The following FSIP2 variants were observed in gnomAD, a reference collection of about 807,000 sequenced individuals.
The protein encoded by FSIP2 is fibrous sheath interacting protein 2, also known as fibrous sheath-interacting protein 2.
FSIP2 carries 367 observed loss-of-function variants against 510.5 expected under a neutral mutation model. That is an observed-to-expected ratio of 0.72 (90% confidence interval 0.66 to 0.78). FSIP2 has a LOEUF of 0.78. Among genes scored for constraint, FSIP2 ranks in the 30% least tolerant of loss-of-function variants. The pLI, the probability that FSIP2 is intolerant of heterozygous loss-of-function variation, is 0.00. For missense variants in FSIP2, 7,594 were observed against 7,901.7 expected (o/e 0.96, Z 1.48); for synonymous variants, 2,601 against 2,732.2 (o/e 0.95, Z 1.50).
chr2:185,785,809 A>G (rs1460709177), intron 14 of FSIP2, among the ~76,000 whole-genome samples: 1 of 151,986 alleles, frequency 6.6e-6, no homozygotes, highest in African/African-American at 2.4e-5. Context: ...TGGGGAGAGG[A>G]CAGTGGAACT....
Position 185,792,810 on chromosome 2 carries a change from A to G in FSIP2, c.5674A>G (p.Thr1892Ala). Residue 1892 changes from threonine to alanine, a missense_variant, in exon 16 of 23, where the codon ACG becomes GCG. Physicochemically the swap from Thr to Ala is moderately conservative, Grantham distance 58. Transcript: ENST00000424728. ...CACCTATAAAGGAAAGTCCTCTGTC[A>G]CGGCTTTGGATGAAAATCCATGTAC... ...EHTYKGKSSV[T>A]ALDENPCTFQ... 3 of 1,534,472 alleles carry G rather than the reference A, an allele frequency of 2.0e-6. No homozygotes were observed. Among genetic ancestry groups the G allele is most frequent in the Non-Finnish European group, 2.6e-6 (3 of 1,145,778 alleles).
chr2:185,815,367 C>G lies in FSIP2; in HGVS notation c.20326-4C>G, dbSNP rs1182485761. On this transcript the variant is annotated splice_polypyrimidine_tract_variant and splice_region_variant and intron_variant, in intron 18 of 22. Transcript: ENST00000424728. ...AGTGTAATAGCTGATTTGTCCTTTTCCAGAAAGAAGAAAAGAATCTTGTTA... is the reference window on the plus strand; with the variant it reads ...AGTGTAATAGCTGATTTGTCCTTTTGCAGAAAGAAGAAAAGAATCTTGTTA... 1.5e-6 allele frequency: 2 copies of G among 1,342,674 alleles called. No homozygotes were observed. The highest frequency in any genetic ancestry group is 2.1e-6 in the Non-Finnish European group (2 of 949,390). 83.2% of individuals were successfully genotyped at this position (1,342,674 alleles called of 1,614,324 possible).
rs756219207 is a variant in FSIP2, at chr2:185,797,428, C to T, written c.10292C>T (p.Thr3431Ile). 4 of 1,531,836 alleles carry T rather than the reference C, an allele frequency of 2.6e-6. No homozygotes were observed. The South Asian group carries it at 4.8e-5, about 18-fold the overall frequency. The allele number at this position is 1,531,836 out of a possible 1,614,324, so 94.9% of individuals were successfully genotyped here. The change falls in exon 16 of 23, where the codon ACT becomes ATT. Residue 3431 changes from threonine to isoleucine, a missense_variant. Coordinates refer to ENST00000424728, the MANE Select transcript of FSIP2 (RefSeq NM_173651.4). Reference sequence around the variant, plus strand: ...ACTGTGAAGGAAGTTGAAGCCTTTACTTTTGCTGATCATGAAATGGGTTCC... The same window carrying T: ...ACTGTGAAGGAAGTTGAAGCCTTTATTTTTGCTGATCATGAAATGGGTTCC... ...IETVKEVEAF[T>I]FADHEMGSNE... is the part of the protein sequence containing the mutation.
At chr2:185,779,688 C>G (rs1692801636) in intron 13 of FSIP2, among the ~76,000 whole-genome samples, 1 of 151,996 alleles carries the variant, frequency 6.6e-6, no homozygotes, top group African/African-American at 2.4e-5. Context: ...TTGTTTTATA[C>G]AGATTTTATT....
intron 13 of FSIP2, 55 bp downstream of exon 13, chr2:185,764,620 C>A: frequency 2.5e-6 from 3 of 1,204,310 alleles, no homozygotes; most frequent in Non-Finnish European, 1.2e-6. Flanking sequence ...ATTCTTTCAA[C>A]TGACATTTAC....
intron 19 of FSIP2, among the ~76,000 whole-genome samples, chr2:185,821,202 G>T (rs376284074): frequency 2.0e-5 from 3 of 151,742 alleles, no homozygotes; most frequent in African/African-American, 4.8e-5. Flanking sequence ...TAATCTAGAT[G>T]AAATGGATAA....
At position 185,805,602 on chromosome 2, in the gene FSIP2, A is replaced by G; in HGVS notation, c.16296A>G (p.Arg5432=). The part of the protein sequence containing the change: ...LPQNTFTQIS[R]CAKENQLSLP... Reference sequence around the variant, plus strand: ...AAAACACCTTTACACAAATAAGCAGATGTGCAAAAGAGAACCAACTTTCTT... The same window carrying G: ...AAAACACCTTTACACAAATAAGCAGGTGTGCAAAAGAGAACCAACTTTCTT... The change falls in exon 17 of 23, where the codon AGA becomes AGG. Residue 5432 remains arginine (R), a synonymous_variant. Coordinates refer to ENST00000424728, the MANE Select transcript of FSIP2 (RefSeq NM_173651.4). The G allele has an allele frequency of 6.2e-7, 1 of 1,609,108 alleles. No homozygotes were observed. Among genetic ancestry groups the G allele is most frequent in the East Asian group, 2.2e-5 (1 of 44,776 alleles).
rs569715444 is a variant in FSIP2 at position 185,807,559 on chromosome 2, G to A, written c.18253G>A (p.Val6085Ile). Residue 6085 changes from valine (V) to isoleucine (I), a missense_variant, in exon 17 of 23, where the codon GTT becomes ATT. By Grantham distance (29) the Val-to-Ile change is conservative (BLOSUM62 3). Transcript: ENST00000424728. ...TGATGATGAAATTATTCAATTAGTG[G>A]TTCAGTCTGTTTATAATAATCTCTT... ...SDDDEIIQLVVQSVYNNLLPQ... is the reference protein window; with the variant it reads ...SDDDEIIQLVIQSVYNNLLPQ... 34 of 1,611,844 alleles carry A rather than the reference G, an allele frequency of 2.1e-5. No individual in the cohort carries two copies. Among genetic ancestry groups the A allele is most frequent in the Non-Finnish European group, 2.8e-5 (33 of 1,178,892 alleles).
In FSIP2 at chr2:185,801,022, A is replaced by G. The variant is rs1317679505; in HGVS notation, c.11716A>G (p.Ser3906Gly). Residue 3906 changes from serine to glycine, a missense_variant, in exon 17 of 23, where the codon AGC (serine) becomes GGC (glycine). Physicochemically the swap from Ser to Gly is moderately conservative, Grantham distance 56. Transcript: ENST00000424728. ...GAGTAAAAGTTCTTTAGAACTCAGG[A>G]GCTATGATAGTAATTCTTTGACAGT... ...GQSKSSLELR[S>G]YDSNSLTVSL... 1 of 1,531,728 alleles carries G rather than the reference A, an allele frequency of 6.5e-7. No homozygotes were observed. The highest frequency in any genetic ancestry group is 2.5e-5 in the East Asian group (1 of 40,806). 94.9% of individuals were successfully genotyped at this position (1,531,728 alleles called of 1,614,324 possible).
chr2:185,767,677 GTGTATC>G (rs1212677180), intron 13 of FSIP2, among the ~76,000 whole-genome samples: 2 of 152,056 alleles, frequency 1.3e-5, no homozygotes, highest in Non-Finnish European at 2.9e-5. Context: ...CTGTCTGTCT[GTGTATC>G]TGTGTTTATT....
chr2:185,775,732 C>T (rs1004589190), intron 13 of FSIP2, among the ~76,000 whole-genome samples: 5 of 152,120 alleles, frequency 3.3e-5, no homozygotes, highest in East Asian at 3.9e-4. Flanking sequence ...GGTGCAATCT[C>T]GGCTCACTGC....
intron 21 of FSIP2, among the ~76,000 whole-genome samples, chr2:185,828,730 C>T (rs374856523): frequency 3.4e-3 from 523 of 151,980 alleles, no homozygotes; most frequent in Middle Eastern, 6.8e-3. Flanking sequence ...AAGAAAATTT[C>T]CTCTTTATAA....
intron 9 of FSIP2, among the ~76,000 whole-genome samples, chr2:185,759,770 A>G (rs1276809743): frequency 2.0e-5 from 3 of 150,162 alleles, no homozygotes; most frequent in Non-Finnish European, 4.5e-5. Flanking sequence ...TATTTTGTAT[A>G]AAAGTGATTC....
At position 185,788,962 on chromosome 2, in the gene FSIP2, C is replaced by T. The variant is rs545123671; in HGVS notation, c.1826C>T (p.Thr609Ile). 25 of 1,534,718 alleles carry T rather than the reference C, an allele frequency of 1.6e-5. No individual in the cohort carries two copies. The African/African-American group carries it at 1.6e-4, about 10-fold the overall frequency. ...CCTCCTCCTGCACATGTGGAAAAAA[C>T]AGTTGTGGGGAAAACATGTCACATA... The part of the protein sequence containing the change: ...IKPPPAHVEK[T>I]VVGKTCHIKG... Residue 609 changes from threonine to isoleucine, a missense_variant, in exon 16 of 23, where the codon ACA becomes ATA. Transcript: ENST00000424728.
chr2:185,794,167 C>T lies in FSIP2; in HGVS notation c.7031C>T (p.Ser2344Leu), dbSNP rs772991257. The T allele has an allele frequency of 4.3e-5, 66 of 1,534,160 alleles. No individual in the cohort carries two copies. The highest frequency in any genetic ancestry group is 5.9e-5 in the Admixed American group (3 of 50,802). ...REKLGSTIHL[S>L]QARLKTYADV... Reference sequence around the variant, plus strand: ...AAACTTGGATCCACAATTCACCTATCGCAAGCTAGGCTTAAGACATATGCT... The same window carrying T: ...AAACTTGGATCCACAATTCACCTATTGCAAGCTAGGCTTAAGACATATGCT... Residue 2344 changes from serine to leucine, a missense_variant, in exon 16 of 23, where the codon TCG becomes TTG. Physicochemically the swap from Ser to Leu is moderately radical, Grantham distance 145. Transcript: ENST00000424728.
chr2:185,796,004 T>G lies in FSIP2; in HGVS notation c.8868T>G (p.Ser2956Arg). The G allele has an allele frequency of 6.5e-7, 1 of 1,533,998 alleles. No homozygotes were observed. The highest frequency in any genetic ancestry group is 8.7e-7 in the Non-Finnish European group (1 of 1,145,858). ...GTAAAGAACACATTACTGCTAAAAG[T>G]AAATATGGTTTTCCAAACAAGCATA... ...SNSKEHITAK[S>R]KYGFPNKHSL... The change falls in exon 16 of 23, where the codon AGT (serine) becomes AGG (arginine). Residue 2956 changes from serine to arginine, a missense_variant. By Grantham distance (110) the Ser-to-Arg change is moderately radical. Coordinates refer to ENST00000424728, the MANE Select transcript of FSIP2 (RefSeq NM_173651.4).
At position 185,803,403 on chromosome 2, in the gene FSIP2, C is replaced by T; in HGVS notation, c.14097C>T (p.Asp4699=). The T allele has an allele frequency of 1.3e-6, 2 of 1,532,892 alleles. No individual in the cohort carries two copies. The highest frequency in any genetic ancestry group is 1.2e-5 in the South Asian group (1 of 83,832). 95.0% of individuals were successfully genotyped at this position (1,532,892 alleles called of 1,614,324 possible). A position where few individuals can be genotyped will look rare whatever the true frequency, so the allele number is the denominator to read the frequency against. Residue 4699 remains aspartate, a synonymous_variant, in exon 17 of 23, where the codon GAC becomes GAT. Transcript: ENST00000424728. The stretch of plus-strand genomic sequence containing the variant: ...GGGATGTAGTCAAAACAATTGTTGA[C>T]ATGGTGTACAGCAAAGTTTTGCAAG... ...VERDVVKTIV[D]MVYSKVLQEY...
At chr2:185,739,676 A>G (rs980172861) in intron 2 of FSIP2, among the ~76,000 whole-genome samples, 1 of 152,218 alleles carries the variant, frequency 6.6e-6, no homozygotes, top group African/African-American at 2.4e-5. Flanking sequence ...TATTCCAGAA[A>G]GTTTAGATTC....
In FSIP2 at chr2:185,803,414, G is replaced by C. The variant is rs1332140507; in HGVS notation, c.14108G>C (p.Ser4703Thr). ...VVKTIVDMVY[S>T]KVLQEYEMEV... ...AAAACAATTGTTGACATGGTGTACA[G>C]CAAAGTTTTGCAAGAATATGAAATG... The change falls in exon 17 of 23, where the codon AGC becomes ACC. Residue 4703 changes from serine (S) to threonine (T), a missense_variant. By Grantham distance (58) the Ser-to-Thr change is moderately conservative. Coordinates refer to ENST00000424728, the MANE Select transcript of FSIP2 (RefSeq NM_173651.4). 6.5e-7 allele frequency: 1 copy of C among 1,531,828 alleles called. No individual in the cohort carries two copies. Among genetic ancestry groups the C allele is most frequent in the Non-Finnish European group, 8.7e-7 (1 of 1,144,510 alleles). 94.9% of individuals were successfully genotyped at this position (1,531,828 alleles called of 1,614,324 possible). A position where few individuals can be genotyped will look rare whatever the true frequency, so the allele number is the denominator to read the frequency against.
Sources: gnomAD v4.1 joint callset for allele counts (sites outside exome capture counted in the v4.1 genomes callset) on GRCh38, gnomAD v4.1.1 for gene constraint, MANE v1.5 for transcripts, NCBI Gene and HGNC (gene_info 2026-07-23, HGNC 2026-07-21) for gene names.